SLC26A4: variants seen among roughly 807,000 people sequenced by gnomAD.
The protein encoded by SLC26A4 is solute carrier family 26 member 4.
In SLC26A4, 93 loss-of-function variants were observed where a neutral mutation model predicts 90.4. The observed-to-expected ratio is 1.03, with a 90% confidence interval of 0.87 to 1.22. SLC26A4 has a LOEUF of 1.22. Ranked by LOEUF, SLC26A4 falls within the 50% of genes most tolerant of loss-of-function variation. The pLI is 0.00. For synonymous variants in SLC26A4, 393 were observed against 354.6 expected (o/e 1.11, Z -1.22); for missense variants, 1,127 against 946.2 (o/e 1.19, Z -2.51).
intron 6 of SLC26A4, among the ~76,000 whole-genome samples, chr7:107,681,271 G>C (rs1344918821): frequency 6.6e-6 from 1 of 152,096 alleles, no homozygotes; most frequent in African/African-American, 2.4e-5. Flanking sequence ...TCTAGTCCAA[G>C]TGTTTGGTGG....
chr7:107,664,530 C>T (rs1009789606), intron 3 of SLC26A4, among the ~76,000 whole-genome samples: 4 of 151,596 alleles, frequency 2.6e-5, no homozygotes, highest in Non-Finnish European at 5.9e-5. Context: ...CCATGCCCAG[C>T]CTCCCACACG....
intron 20 of SLC26A4, among the ~76,000 whole-genome samples, chr7:107,713,905 A>G (rs1317616202): frequency 9.1e-6 from 1 of 110,100 alleles, no homozygotes; most frequent in East Asian, 3.2e-4. Flanking sequence ...TTGTATTATT[A>G]TTAGTATTAT....
At chr7:107,668,329 T>A (rs2129310395) in intron 3 of SLC26A4, among the ~76,000 whole-genome samples, 1 of 152,258 alleles carries the variant, frequency 6.6e-6, no homozygotes, top group African/African-American at 2.4e-5. Context: ...AGAGAGAAAG[T>A]GGATCGGTTA....
intron 3 of SLC26A4, among the ~76,000 whole-genome samples, chr7:107,669,656 G>T (rs1297469906): frequency 1.6e-4 from 25 of 152,150 alleles, no homozygotes; most frequent in Admixed American, 1.6e-3. Context: ...CTAGGGCAGA[G>T]ACTTTGTTTT....
chr7:107,681,611 C>G (rs939998199), intron 6 of SLC26A4, among the ~76,000 whole-genome samples: 23 of 152,082 alleles, frequency 1.5e-4, no homozygotes, highest in African/African-American at 5.6e-4. Flanking sequence ...AAAGAAATGT[C>G]TCAAAGATAC....
intron 3 of SLC26A4, among the ~76,000 whole-genome samples, chr7:107,669,583 T>C (rs1422120872): frequency 6.6e-6 from 1 of 152,236 alleles, no homozygotes; most frequent in Non-Finnish European, 1.5e-5. Context: ...GCAATTCCTG[T>C]TTGTAATTTA....
rs986459860 is a variant in SLC26A4, at chr7:107,700,126, C to A, written c.1658C>A (p.Pro553His). Residue 553 changes from proline to histidine, a missense_variant, in exon 15 of 21, where the codon CCT (proline) becomes CAT (histidine). Coordinates refer to ENST00000644269, the MANE Select transcript of SLC26A4 (RefSeq NM_000441.2). ...QGVKILRFSS[P>H]IFYGNVDGFK... ...GTGAAGATTCTTAGATTTTCCAGTC[C>A]TATTTTCTATGGCAATGTCGATGGT... 1 of 1,592,488 alleles carries A rather than the reference C, an allele frequency of 6.3e-7. No homozygotes were observed. Among genetic ancestry groups the A allele is most frequent in the Non-Finnish European group, 8.6e-7 (1 of 1,160,402 alleles).
chr7:107,670,869 C>T (rs1043413077), intron 3 of SLC26A4, among the ~76,000 whole-genome samples: 6 of 152,278 alleles, frequency 3.9e-5, no homozygotes, highest in South Asian at 2.1e-4. Context: ...TCTTCTAACC[C>T]TCATGTAAAC....
chr7:107,698,026 ATAT>A lies in SLC26A4; in HGVS notation c.1545-14_1545-12del, dbSNP rs397516419. On this transcript the variant is annotated splice_polypyrimidine_tract_variant and intron_variant, in intron 13 of 20. Transcript: ENST00000644269. ...GCTGTTCCAAAAAATCTTGACCTTGATATTTTTTCTTCTAGTCCTTCTTGGAAT... is the reference window on the plus strand; with the variant it reads ...GCTGTTCCAAAAAATCTTGACCTTGATTTTTCTTCTAGTCCTTCTTGGAAT... 8.2e-4 allele frequency: 1,278 copies of A among 1,566,406 alleles called. 1 individual carries two copies. The highest frequency in any genetic ancestry group is 2.7e-3 in the Admixed American group (161 of 59,940).
chr7:107,714,431 A>G (rs549159218), intron 20 of SLC26A4, among the ~76,000 whole-genome samples: 1 of 152,312 alleles, frequency 6.6e-6, no homozygotes, highest in South Asian at 2.1e-4. Context: ...ACATTGCTAG[A>G]GTGAAAATCA....
chr7:107,712,669 T>A (rs200350779), intron 20 of SLC26A4, 47 bp downstream of exon 20: 2 of 950,854 alleles, frequency 2.1e-6, no homozygotes, highest in East Asian at 4.8e-5. Context: ...ACATTTTGAA[T>A]AATTAGAGTA....
chr7:107,713,261 T>C (rs1005133717), intron 20 of SLC26A4, among the ~76,000 whole-genome samples: 1 of 152,202 alleles, frequency 6.6e-6, no homozygotes, highest in African/African-American at 2.4e-5. Flanking sequence ...CATGCAGAAA[T>C]CCTTCCTACA....
rs1474447830 is a variant in SLC26A4, at chr7:107,661,357, C to T, written c.-3-282C>T. On this transcript the variant is annotated intron_variant, in intron 1 of 20. Transcript: ENST00000644269. This position sits in a 1 kb window ranked among gnomAD's most constrained non-coding sequence, Gnocchi z 5.1. ...GGGACTGGGTGGAACTCGGGAAGCC[C>T]CCAGAGCAGGGGCTTACTCGCTTCA... 9.1e-6 allele frequency: 5 copies of T among 552,180 alleles called. No homozygotes were observed. The highest frequency in any genetic ancestry group is 3.8e-5 in the African/African-American group (2 of 52,240). The allele number at this position is 552,180 out of a possible 1,614,324, so 34.2% of individuals were successfully genotyped here.
At chr7:107,704,740 T>A (rs530006051) in intron 18 of SLC26A4, among the ~76,000 whole-genome samples, 2 of 152,306 alleles carry the variant, frequency 1.3e-5, no homozygotes, top group East Asian at 3.9e-4. Flanking sequence ...GTCAGGATAC[T>A]TTTTTGTATG....
At chr7:107,702,197 T>C (rs1386258097) in intron 17 of SLC26A4, 140 bp downstream of exon 17, 1 of 711,236 alleles carries the variant, frequency 1.4e-6, no homozygotes. Context: ...AAGTGTAATA[T>C]TTTAAAGCAT....
chr7:107,687,870 G>A (rs1858929), intron 8 of SLC26A4, among the ~76,000 whole-genome samples: 77,146 of 151,886 alleles, frequency 0.51, 19,706 homozygotes, highest in East Asian at 0.63. Context: ...ATGCTGAGTC[G>A]CCCAACTGTT....
Position 107,715,647 on chromosome 7 carries a change from C to A in SLC26A4, c.*201C>A, listed in dbSNP as rs761988423. The A allele has an allele frequency of 1.5e-4, 93 of 608,480 alleles. No homozygotes were observed. The highest frequency in any genetic ancestry group is 2.5e-4 in the Non-Finnish European group (84 of 338,370). 37.7% of individuals were successfully genotyped at this position (608,480 alleles called of 1,614,324 possible). ...GGCAAAATGGCTAGAATTATTCAGA[C>A]GATTTGGCAGCGTCCAGGGTAAGCT... On this transcript the variant is annotated 3_prime_UTR_variant, in exon 21 of 21. Coordinates refer to ENST00000644269, the MANE Select transcript of SLC26A4 (RefSeq NM_000441.2).
intron 2 of SLC26A4, among the ~76,000 whole-genome samples, chr7:107,662,720 A>G (rs994612672): frequency 1.3e-5 from 2 of 152,224 alleles, no homozygotes; most frequent in African/African-American, 4.8e-5. Context: ...CGTCCCATAA[A>G]TGCCTTAATT....
chr7:107,681,292 G>T (rs1791222918), intron 6 of SLC26A4, among the ~76,000 whole-genome samples: 1 of 152,060 alleles, frequency 6.6e-6, no homozygotes, highest in South Asian at 2.1e-4. Flanking sequence ...GAGGTATTTT[G>T]CATGCATAAT....
Sources: gnomAD v4.1 joint callset for allele counts (sites outside exome capture counted in the v4.1 genomes callset) on GRCh38, gnomAD v4.1.1 for gene constraint, Gnocchi (gnomAD v3.1) non-coding constraint, MANE v1.5 for transcripts, NCBI Gene and HGNC (gene_info 2026-07-23, HGNC 2026-07-21) for gene names.